The following RPSA2 variants were observed in gnomAD, a reference collection of about 807,000 sequenced individuals.
RPSA2 encodes the protein small ribosomal subunit protein uS2B.
the RPSA2 span, among the ~76,000 whole-genome samples, chr19:23,842,025 A>T: frequency 1.3e-5 from 2 of 152,196 alleles, no homozygotes; most frequent in African/African-American, 2.4e-5. Flanking sequence ...CCCAGGTTCT[A>T]TCAGTTACTA....
the RPSA2 span, among the ~76,000 whole-genome samples, chr19:23,812,561 A>C: frequency 6.6e-6 from 1 of 151,570 alleles, no homozygotes; most frequent in East Asian, 1.9e-4. Flanking sequence ...AGGCCTGGCA[A>C]ATTTTGTATT....
chr19:23,805,460 G>A, the RPSA2 span, among the ~76,000 whole-genome samples: 2 of 152,150 alleles, frequency 1.3e-5, no homozygotes, highest in African/African-American at 2.4e-5. Context: ...ACCTTGCCCA[G>A]CTGCAGAGAA....
chr19:23,798,150 T>C, the RPSA2 span, among the ~76,000 whole-genome samples: 3 of 152,212 alleles, frequency 2.0e-5, no homozygotes, highest in African/African-American at 7.2e-5. Flanking sequence ...TTATTATTTT[T>C]AGTCTTTTAA....
the RPSA2 span, chr19:23,808,852 A>G: frequency 1.9e-6 from 1 of 535,068 alleles, no homozygotes; most frequent in Non-Finnish European, 3.2e-6. Context: ...CATGGATGAG[A>G]GGCCCAAATC....
At chr19:23,781,930 A>G in the RPSA2 span, among the ~76,000 whole-genome samples, 3 of 152,186 alleles carry the variant, frequency 2.0e-5, no homozygotes, top group Non-Finnish European at 4.4e-5. Flanking sequence ...CTGCCTTGAT[A>G]CAGCCCACAA....
At chr19:23,812,388 C>CTTTTTTTTTTTTTTTTTTTTTTT in the RPSA2 span, among the ~76,000 whole-genome samples, 53 of 114,170 alleles carry the variant, frequency 4.6e-4, no homozygotes, top group Non-Finnish European at 5.2e-4. Flanking sequence ...CTCTTTTTCT[C>CTTTTTTTTTTTTTTTTTTTTTTT]TTTTTTTTTT....
the RPSA2 span, among the ~76,000 whole-genome samples, chr19:23,866,351 G>A: frequency 6.6e-6 from 1 of 152,206 alleles, no homozygotes; most frequent in African/African-American, 2.4e-5. Flanking sequence ...AATGCAGATT[G>A]CAAGCATGCT....
the RPSA2 span, among the ~76,000 whole-genome samples, chr19:23,843,842 C>T: frequency 6.6e-6 from 1 of 152,270 alleles, no homozygotes; most frequent in South Asian, 2.1e-4. Flanking sequence ...TTACCGCAAT[C>T]TTTGCCTCCT....
chr19:23,815,798 T>C, the RPSA2 span, among the ~76,000 whole-genome samples: 1 of 152,176 alleles, frequency 6.6e-6, no homozygotes, highest in Admixed American at 6.5e-5. Context: ...TTTGTCAATA[T>C]TTGCTTTATA....
chr19:23,799,839 A>C, the RPSA2 span, among the ~76,000 whole-genome samples: 71 of 152,360 alleles, frequency 4.7e-4, no homozygotes, highest in South Asian at 2.7e-3. Context: ...ACCAATTAGC[A>C]TATATGGATG....
chr19:23,807,847 G>A, the RPSA2 span: 1 of 435,286 alleles, frequency 2.3e-6, no homozygotes, highest in Non-Finnish European at 4.6e-6. Flanking sequence ...GTTTAGGTAT[G>A]TGGCCATAGA....
chr19:23,858,010 G>GA, the RPSA2 span, among the ~76,000 whole-genome samples: 1 of 151,604 alleles, frequency 6.6e-6, no homozygotes, highest in Non-Finnish European at 1.5e-5. Flanking sequence ...TTAAATTGAA[G>GA]TTACTATCAT....
At chr19:23,777,376 C>T in the RPSA2 span, among the ~76,000 whole-genome samples, 1 of 152,200 alleles carries the variant, frequency 6.6e-6, no homozygotes, top group Non-Finnish European at 1.5e-5. Context: ...GATGATGTAT[C>T]TTTTCATTCA....
the RPSA2 span, among the ~76,000 whole-genome samples, chr19:23,849,306 C>G: frequency 7.6e-6 from 1 of 131,346 alleles, no homozygotes; most frequent in Non-Finnish European, 1.6e-5. Context: ...ATGAAGCAAT[C>G]TGAGGTGCCC....
the RPSA2 span, among the ~76,000 whole-genome samples, chr19:23,778,995 C>CTT: frequency 0.2 from 15,896 of 80,550 alleles, 3,630 homozygotes; most frequent in East Asian, 0.51. Flanking sequence ...TTTTGTGACA[C>CTT]TTTTTTTTTT....
chr19:23,860,563 C>T, the RPSA2 span, among the ~76,000 whole-genome samples: 1 of 152,042 alleles, frequency 6.6e-6, no homozygotes, highest in Admixed American at 6.6e-5. Flanking sequence ...AGCCTGGTAC[C>T]AGGTGTAGAT....
At chr19:23,812,735 AAGTG>A in the RPSA2 span, among the ~76,000 whole-genome samples, 2 of 152,054 alleles carry the variant, frequency 1.3e-5, no homozygotes, top group African/African-American at 2.4e-5. Context: ...TATCTTGTCT[AAGTG>A]AGTAGCCTTG....
At chr19:23,852,208 G>A in the RPSA2 span, among the ~76,000 whole-genome samples, 1 of 152,174 alleles carries the variant, frequency 6.6e-6, no homozygotes, top group African/African-American at 2.4e-5. Flanking sequence ...CTGTGGAGAT[G>A]GGAATCTTCA....
chr19:23,817,376 C>T, the RPSA2 span, among the ~76,000 whole-genome samples: 1 of 152,068 alleles, frequency 6.6e-6, no homozygotes, highest in Non-Finnish European at 1.5e-5. Flanking sequence ...GTGCGATACT[C>T]CATCTCAAAA....
Sources: allele counts gnomAD v4.1 joint callset (sites outside exome capture counted in the v4.1 genomes callset), GRCh38; gene constraint gnomAD v4.1.1; transcripts MANE v1.5; gene names NCBI Gene and HGNC (gene_info 2026-07-23, HGNC 2026-07-21).